The following PTPRG variants were observed in gnomAD, a reference collection of about 807,000 sequenced individuals.
PTPRG encodes the protein receptor-type tyrosine-protein phosphatase gamma.
PTPRG carries 102 observed loss-of-function variants against 165.3 expected under a neutral mutation model. The observed-to-expected ratio is 0.62, with a 90% CI of 0.53 to 0.73. The LOEUF (loss-of-function observed/expected upper bound fraction) is 0.73. Among genes scored for constraint, PTPRG ranks in the 30% least tolerant of loss-of-function variants. PTPRG has a pLI of 0.00. For synonymous variants in PTPRG, 675 were observed against 669.5 expected, an observed-to-expected ratio of 1.01 and a Z score of -0.13; for missense variants, 1,866 against 1,861.4, an observed-to-expected ratio of 1.00 and a Z score of -0.05.
chr3:62,032,933 G>A (rs938227267), intron 4 of PTPRG, among the ~76,000 whole-genome samples: 25 of 152,074 alleles, frequency 1.6e-4, no homozygotes, highest in African/African-American at 5.1e-4. Context: ...CTATAAATGC[G>A]CACCTGCAAG....
chr3:61,569,952 G>T (rs149653404), intron 1 of PTPRG, among the ~76,000 whole-genome samples: 1 of 152,318 alleles, frequency 6.6e-6, no homozygotes, highest in Non-Finnish European at 1.5e-5. Flanking sequence ...GGCTTAAAAT[G>T]TGTCTCATAA....
intron 1 of PTPRG, among the ~76,000 whole-genome samples, chr3:61,690,941 A>G (rs1232960834): frequency 1.3e-5 from 2 of 152,164 alleles, no homozygotes; most frequent in Non-Finnish European, 2.9e-5. Flanking sequence ...TGCTCAGAGA[A>G]TGATTGATTT....
chr3:62,173,192 TATACTC>T (rs997406279), intron 8 of PTPRG, among the ~76,000 whole-genome samples: 50 of 152,346 alleles, frequency 3.3e-4, no homozygotes, highest in African/African-American at 1.2e-3. Flanking sequence ...AAATAGTTGT[TATACTC>T]TACTGATTTT....
chr3:61,562,429 A>C, intron 1 of PTPRG, 57 bp downstream of exon 1: 1 of 1,558,104 alleles, frequency 6.4e-7, no homozygotes, highest in South Asian at 1.1e-5. Flanking sequence ...GGGGATGCGG[A>C]GTTGTCGCCT....
intron 26 of PTPRG, among the ~76,000 whole-genome samples, chr3:62,279,824 T>C (rs1702365414): frequency 6.6e-6 from 1 of 152,098 alleles, no homozygotes; most frequent in South Asian, 2.1e-4. Flanking sequence ...CCTTCTTTGT[T>C]TTGAACATTA....
At chr3:61,738,310 A>G (rs6808160) in intron 1 of PTPRG, among the ~76,000 whole-genome samples, 28,919 of 43,548 alleles carry the variant, frequency 0.66, 8,180 homozygotes, top group East Asian at 0.72. Context: ...ATATATATAT[A>G]TACATATATA....
chr3:61,741,554 A>T (rs1469906260), intron 1 of PTPRG, among the ~76,000 whole-genome samples: 1 of 152,216 alleles, frequency 6.6e-6, no homozygotes, highest in South Asian at 2.1e-4. Context: ...ATGTGTTACT[A>T]CGCTGTTTTG....
intron 2 of PTPRG, among the ~76,000 whole-genome samples, chr3:61,766,611 A>T (rs1046387642): frequency 2.2e-4 from 10 of 46,022 alleles, no homozygotes; most frequent in African/African-American, 5.5e-4. Flanking sequence ...ATTAATGTTA[A>T]AAAAAATTTT....
chr3:61,562,215 C>G lies in PTPRG; in HGVS notation c.-73C>G. On this transcript the variant is annotated 5_prime_UTR_variant, in exon 1 of 30. Coordinates refer to ENST00000474889, the MANE Select transcript of PTPRG (RefSeq NM_002841.4). Reference sequence around the variant, plus strand: ...GGGAAGCGCCCCGGCTTAGCGGAGGCTCGCACGGAGGCAAGAACTTATTCA... The same window carrying G: ...GGGAAGCGCCCCGGCTTAGCGGAGGGTCGCACGGAGGCAAGAACTTATTCA... 7.1e-7 allele frequency: 1 copy of G among 1,406,994 alleles called. No homozygotes were observed. The highest frequency in any genetic ancestry group is 1.0e-6 in the Non-Finnish European group (1 of 996,660). 87.2% of individuals were successfully genotyped at this position (1,406,994 alleles called of 1,614,324 possible). A position where few individuals can be genotyped will look rare whatever the true frequency, so the allele number is the denominator to read the frequency against.
intron 2 of PTPRG, among the ~76,000 whole-genome samples, chr3:61,855,087 G>A (rs1439383233): frequency 6.6e-6 from 1 of 152,130 alleles, no homozygotes. Flanking sequence ...TGGTTCTCTT[G>A]TTTGACAACA....
chr3:61,798,624 T>TTTG (rs1397852627), intron 2 of PTPRG, among the ~76,000 whole-genome samples: 5 of 151,556 alleles, frequency 3.3e-5, no homozygotes, highest in Non-Finnish European at 5.9e-5. Context: ...TGCTGGTTTT[T>TTTG]TTTTTTTTTT....
intron 8 of PTPRG, among the ~76,000 whole-genome samples, chr3:62,183,806 A>G (rs1354090233): frequency 2.6e-5 from 4 of 152,166 alleles, no homozygotes; most frequent in African/African-American, 9.7e-5. Context: ...AGAACTGAGA[A>G]GGGAGTGGGG....
chr3:61,655,135 C>T (rs1702474964), intron 1 of PTPRG, among the ~76,000 whole-genome samples: 1 of 152,052 alleles, frequency 6.6e-6, no homozygotes, highest in Non-Finnish European at 1.5e-5. Flanking sequence ...GTCCTGGTTG[C>T]CTGGTGAGTC....
intron 12 of PTPRG, among the ~76,000 whole-genome samples, chr3:62,205,125 A>G (rs887053885): frequency 2.6e-5 from 4 of 152,058 alleles, no homozygotes; most frequent in Non-Finnish European, 5.9e-5. Context: ...CATGTTTTGA[A>G]TTACTTTCCT....
At chr3:62,021,857 C>CTTT (rs398062374) in intron 4 of PTPRG, among the ~76,000 whole-genome samples, 1,123 of 97,082 alleles carry the variant, frequency 0.012, 9 homozygotes, top group Non-Finnish European at 0.018. Context: ...TTTTCCTTTT[C>CTTT]TTTTTTTTTT....
chr3:61,575,205 C>T (rs764864839), intron 1 of PTPRG, among the ~76,000 whole-genome samples: 51 of 152,176 alleles, frequency 3.4e-4, no homozygotes, highest in Non-Finnish European at 4.3e-4. Flanking sequence ...GAAATTTCTG[C>T]TGCTCCTTAT....
chr3:62,274,048 T>C (rs567306272), intron 23 of PTPRG, among the ~76,000 whole-genome samples: 1 of 152,312 alleles, frequency 6.6e-6, no homozygotes, highest in East Asian at 1.9e-4. Context: ...ATATACAGTG[T>C]TGTATTTTCT....
intron 5 of PTPRG, among the ~76,000 whole-genome samples, chr3:62,118,922 C>T (rs530257020): frequency 1.3e-5 from 2 of 152,344 alleles, no homozygotes; most frequent in African/African-American, 2.4e-5. Context: ...CTTCTTTTAG[C>T]TTCATCCTCC....
At chr3:61,570,346 T>C (rs1289661280) in intron 1 of PTPRG, among the ~76,000 whole-genome samples, 1 of 152,146 alleles carries the variant, frequency 6.6e-6, no homozygotes, top group African/African-American at 2.4e-5. Flanking sequence ...GTTTAGCTAT[T>C]TTTGGGGAGT....
Sources: gnomAD v4.1 joint callset for allele counts (sites outside exome capture counted in the v4.1 genomes callset) on GRCh38, gnomAD v4.1.1 for gene constraint, MANE v1.5 for transcripts, NCBI Gene and HGNC (gene_info 2026-07-23, HGNC 2026-07-21) for gene names.